The following PVT1 variants were observed in gnomAD, a reference collection of about 807,000 sequenced individuals.
The protein encoded by PVT1 is CXCR4/PVT1 fusion.
chr8:128,095,141 G>A (rs1045701589), intron 5 of PVT1, among the ~76,000 whole-genome samples: 3 of 152,200 alleles, frequency 2.0e-5, no homozygotes, highest in Non-Finnish European at 4.4e-5. Context: ...GGCTGAAATT[G>A]AGGGTCCTGA....
chr8:127,897,293 C>T (rs4733806), intron 3 of PVT1, among the ~76,000 whole-genome samples: 35,477 of 151,986 alleles, frequency 0.23, 5,001 homozygotes, highest in Middle Eastern at 0.37. Context: ...TTCCCTACAG[C>T]GCCTGGTCAG....
chr8:127,938,569 C>T (rs534691608), intron 3 of PVT1, among the ~76,000 whole-genome samples: 33 of 152,264 alleles, frequency 2.2e-4, no homozygotes, highest in African/African-American at 5.8e-4. Context: ...TACACAAGAA[C>T]GCAAATGTAA....
At chr8:127,987,063 G>A (rs984072702) in intron 3 of PVT1, among the ~76,000 whole-genome samples, 3 of 152,160 alleles carry the variant, frequency 2.0e-5, no homozygotes, top group Non-Finnish European at 4.4e-5. Flanking sequence ...TTCCACATCT[G>A]TAAAATGGGA....
chr8:127,863,689 T>C (rs1454788453), intron 2 of PVT1, among the ~76,000 whole-genome samples: 1 of 152,232 alleles, frequency 6.6e-6, no homozygotes, highest in African/African-American at 2.4e-5. Flanking sequence ...GTCTCTTTTA[T>C]CATTTGGTAT....
intron 3 of PVT1, among the ~76,000 whole-genome samples, chr8:127,952,806 C>T (rs1249932033): frequency 6.6e-6 from 1 of 151,882 alleles, no homozygotes; most frequent in African/African-American, 2.4e-5. Context: ...GCTCTGTGGC[C>T]CAGGCTGGAG....
chr8:127,894,147 T>C (rs1815644798), intron 3 of PVT1, among the ~76,000 whole-genome samples: 1 of 152,190 alleles, frequency 6.6e-6, no homozygotes. Flanking sequence ...CACTCTCTAG[T>C]CGTACGGGCT....
intron 4 of PVT1, among the ~76,000 whole-genome samples, chr8:128,053,758 T>C (rs142617143): frequency 1.7e-3 from 266 of 152,292 alleles, no homozygotes; most frequent in African/African-American, 6.0e-3. Context: ...ATAACAAGTC[T>C]CCTGTTCTCA....
chr8:127,861,916 C>T (rs1314337276), intron 2 of PVT1, among the ~76,000 whole-genome samples: 1 of 152,178 alleles, frequency 6.6e-6, no homozygotes, highest in Admixed American at 6.5e-5. Context: ...AAGGTATAAA[C>T]CTTTTCATGT....
chr8:127,936,997 C>T (rs1735835689), intron 3 of PVT1, among the ~76,000 whole-genome samples: 1 of 152,206 alleles, frequency 6.6e-6, no homozygotes, highest in Admixed American at 6.5e-5. Context: ...ATTTGTAAAT[C>T]AGAAAAATGA....
At position 127,831,137 on chromosome 8, in the gene PVT1, C is replaced by T. The variant is rs867121877; in HGVS notation, n.372+35066C>T. ...TGTATGTATATATCTATATCTATAT[C>T]TATCTCTCTCTCTCTCTCTATATAT... On this transcript the variant is annotated intron_variant and non_coding_transcript_variant, in intron 2 of 10. Coordinates refer to ENST00000651587, the Ensembl canonical transcript of PVT1. Among the ~76,000 whole-genome samples, 5 of 104,742 alleles carry T rather than the reference C, an allele frequency of 4.8e-5. No individual in the cohort carries two copies. The East Asian group carries it at 1.3e-3, about 27-fold the overall frequency. The allele number at this position is 104,742 out of a possible 152,430, so 68.7% of individuals were successfully genotyped here. A position where few individuals can be genotyped will look rare whatever the true frequency, so the allele number is the denominator to read the frequency against.
rs547831047 is a variant in PVT1, at chr8:128,023,484, C to T, written n.912+34193C>T. 2.0e-5 allele frequency among the ~76,000 whole-genome samples: 3 copies of T among 152,318 alleles called. No homozygotes were observed. The East Asian group carries it at 5.8e-4, about 29-fold the overall frequency. ...TTGGTAATAGGTACAGTGGGAAACTCAGTAATAACTATTACTATTACAATA... is the reference window on the plus strand; with the variant it reads ...TTGGTAATAGGTACAGTGGGAAACTTAGTAATAACTATTACTATTACAATA... On this transcript the variant is annotated intron_variant and non_coding_transcript_variant, in intron 4 of 10. Coordinates refer to ENST00000651587, the Ensembl canonical transcript of PVT1.
At chr8:127,799,218 G>A (rs543341523) in intron 2 of PVT1, among the ~76,000 whole-genome samples, 1 of 151,844 alleles carries the variant, frequency 6.6e-6, no homozygotes, top group African/African-American at 2.4e-5. Flanking sequence ...GGGCGTCTAA[G>A]TGCCCAACAC....
chr8:127,892,728 G>C (rs1022345331), intron 3 of PVT1, among the ~76,000 whole-genome samples: 7 of 152,146 alleles, frequency 4.6e-5, no homozygotes, highest in African/African-American at 1.7e-4. Flanking sequence ...GCTGGGCTGT[G>C]CTTGACTGTG....
At position 127,855,267 on chromosome 8, in the gene PVT1, G is replaced by A. The variant is rs529510439; in HGVS notation, n.373-35322G>A. ...CGGTGAAGCCCTGAGGGATTTCATC[G>A]CTGAGGTGGATGGAGAAGCAGCTGG... On this transcript the variant is annotated intron_variant and non_coding_transcript_variant, in intron 2 of 10. Coordinates refer to ENST00000651587, the Ensembl canonical transcript of PVT1. The A allele has an allele frequency of 3.3e-5, 13 of 398,760 alleles. No individual in the cohort carries two copies. The South Asian group carries it at 1.0e-3, about 31-fold the overall frequency. 24.7% of individuals were successfully genotyped at this position (398,760 alleles called of 1,614,324 possible).
intron 5 of PVT1, among the ~76,000 whole-genome samples, chr8:128,083,451 C>A (rs1001531784): frequency 6.6e-6 from 1 of 152,224 alleles, no homozygotes; most frequent in Non-Finnish European, 1.5e-5. Context: ...CCCCTAAAAT[C>A]TGTCTCAAAG....
intron 3 of PVT1, among the ~76,000 whole-genome samples, chr8:127,921,622 G>A (rs1816058525): frequency 6.6e-6 from 1 of 151,920 alleles, no homozygotes; most frequent in South Asian, 2.1e-4. Context: ...GACCAGTCTG[G>A]CCAACATATC....
rs941961875 is a variant in PVT1, at chr8:128,000,983, C to T, written n.912+11692C>T. ...TTTGTTTTTTATCTGAAATTCTACCCGTTAAAACATTTGGTATGTTTCCTC... is the reference window on the plus strand; with the variant it reads ...TTTGTTTTTTATCTGAAATTCTACCTGTTAAAACATTTGGTATGTTTCCTC... On this transcript the variant is annotated intron_variant and non_coding_transcript_variant, in intron 4 of 10. Coordinates refer to ENST00000651587, the Ensembl canonical transcript of PVT1. Among the ~76,000 whole-genome samples the T allele has an allele frequency of 4.6e-5, 7 of 152,234 alleles. No individual in the cohort carries two copies. In the East Asian group the frequency reaches 5.8e-4, roughly 13 times the overall value.
chr8:127,912,410 G>T (rs1815909718), intron 3 of PVT1, among the ~76,000 whole-genome samples: 1 of 152,152 alleles, frequency 6.6e-6, no homozygotes, highest in Non-Finnish European at 1.5e-5. Flanking sequence ...ATCTGCCAAA[G>T]ATCCCTTGGC....
At chr8:127,937,578 C>CAGAGAGAGAGAGAGAGAGAGAGAG (rs1296575228) in intron 3 of PVT1, among the ~76,000 whole-genome samples, 1 of 119,280 alleles carries the variant, frequency 8.4e-6, no homozygotes, top group African/African-American at 3.2e-5. Flanking sequence ...CACACACACA[C>CAGAGAGAGAGAGAGAGAGAGAGAG]ACAGAGAGAG....
Sources: gnomAD v4.1 joint callset for allele counts (sites outside exome capture counted in the v4.1 genomes callset) on GRCh38, gnomAD v4.1.1 for gene constraint, MANE v1.5 for transcripts, NCBI Gene and HGNC (gene_info 2026-07-23, HGNC 2026-07-21) for gene names.